Variants in SEL1L3 observed in about 807,000 individuals in gnomAD.
SEL1L3 encodes the protein SEL1L family member 3.
SEL1L3 carries 76 observed loss-of-function variants against 142.8 expected under a neutral mutation model. The ratio of observed to expected loss-of-function variants is 0.53; its 90% CI spans 0.44 to 0.64. SEL1L3 has a LOEUF of 0.64. SEL1L3 is among the 30% of genes least tolerant of loss of function. The pLI is 0.00. For synonymous variants in SEL1L3, 504 were observed against 519.6 expected, an observed-to-expected ratio of 0.97 and a Z score of 0.41; for missense variants, 1,262 against 1,381.7, an observed-to-expected ratio of 0.91 and a Z score of 1.37.
In SEL1L3 at chr4:25,833,098, A is replaced by G; in HGVS notation, c.995T>C (p.Ile332Thr). ...VFLTEEGYLH[I>T]QMHLVKGEDL... is the part of the protein sequence containing the mutation. ...TTCCCCTTTGACAAGATGCATCTGA[A>G]TATGCAAATAGCCTAAAAGGAAAAT... Residue 332 changes from isoleucine to threonine, a missense_variant, in exon 5 of 24, where the codon ATT becomes ACT. This residue lies in a region of SEL1L3 where 689 missense variants were observed against 692.8 expected (regional missense o/e 0.99). Coordinates refer to ENST00000399878, the MANE Select transcript of SEL1L3 (RefSeq NM_015187.5). 6.3e-7 allele frequency: 1 copy of G among 1,592,044 alleles called. No individual in the cohort carries two copies. The highest frequency in any genetic ancestry group is 8.6e-7 in the Non-Finnish European group (1 of 1,160,132).
chr4:25,825,633 C>G (rs1347658323), intron 6 of SEL1L3, among the ~76,000 whole-genome samples: 1 of 149,216 alleles, frequency 6.7e-6, no homozygotes, highest in African/African-American at 2.5e-5. Context: ...CATCATCTTA[C>G]AAGTCACTTC....
intron 2 of SEL1L3, among the ~76,000 whole-genome samples, chr4:25,846,792 C>T (rs1423251105): frequency 1.3e-5 from 2 of 151,476 alleles, no homozygotes; most frequent in Admixed American, 6.6e-5. Context: ...GCCTGTAATC[C>T]CAGCTACTCG....
At chr4:25,823,979 G>A (rs1560333672) in intron 6 of SEL1L3, among the ~76,000 whole-genome samples, 1 of 152,274 alleles carries the variant, frequency 6.6e-6, no homozygotes, top group East Asian at 1.9e-4. Flanking sequence ...AGCAACAGCT[G>A]ACAGCAGCAA....
chr4:25,856,388 T>C (rs368468078), intron 1 of SEL1L3, among the ~76,000 whole-genome samples: 3 of 152,116 alleles, frequency 2.0e-5, no homozygotes, highest in East Asian at 1.9e-4. Flanking sequence ...TTATGTGGTT[T>C]AGGCAGCTAC....
At chr4:25,736,996 CT>C in the SEL1L3 span, among the ~76,000 whole-genome samples, 1 of 144,686 alleles carries the variant, frequency 6.9e-6, no homozygotes, top group African/African-American at 2.6e-5. Context: ...TCTTTTTTTT[CT>C]TTTTTTTGAG....
intron 23 of SEL1L3, among the ~76,000 whole-genome samples, chr4:25,750,213 C>T (rs1198245276): frequency 5.3e-5 from 7 of 131,066 alleles, no homozygotes; most frequent in African/African-American, 1.5e-4. Flanking sequence ...CCAGCCTGGG[C>T]GACAGAGCGA....
rs1036673831 is a variant in SEL1L3, at chr4:25,811,764, TTTG to T, written c.1564+6371_1564+6373del. Among the ~76,000 whole-genome samples, 66 of 147,836 alleles carry T rather than the reference TTTG, an allele frequency of 4.5e-4. 2 individuals carry two copies. The highest frequency in any genetic ancestry group is 3.5e-3 in the Middle Eastern group (1 of 284). The stretch of plus-strand genomic sequence containing the variant: ...TCTTTTCCTGTTTTTTTTTTTTTTT[TTTG>T]TTGTTGTTGTTGTTAGTAGCCATCC... On this transcript the variant is annotated intron_variant, in intron 9 of 23. Transcript: ENST00000399878.
chr4:25,831,747 G>A (rs1253112401), intron 5 of SEL1L3, among the ~76,000 whole-genome samples: 1 of 151,856 alleles, frequency 6.6e-6, no homozygotes, highest in Non-Finnish European at 1.5e-5. Flanking sequence ...CTGGTCTCCT[G>A]ACCTCAGGTG....
chr4:25,732,282 T>C, the SEL1L3 span, among the ~76,000 whole-genome samples: 2 of 152,192 alleles, frequency 1.3e-5, no homozygotes, highest in Non-Finnish European at 2.9e-5. Context: ...AAATAAGAAG[T>C]AATTTTTTAG....
At chr4:25,795,619 C>T (rs1712680912) in intron 11 of SEL1L3, among the ~76,000 whole-genome samples, 1 of 152,154 alleles carries the variant, frequency 6.6e-6, no homozygotes, top group African/African-American at 2.4e-5. Flanking sequence ...CAGAATGATC[C>T]TAGAGTCCAC....
At chr4:25,837,373 C>T (rs1715900827) in intron 2 of SEL1L3, among the ~76,000 whole-genome samples, 1 of 145,002 alleles carries the variant, frequency 6.9e-6, no homozygotes, top group African/African-American at 2.6e-5. Context: ...TTCAATTCTG[C>T]CCAACCTGAC....
the SEL1L3 span, among the ~76,000 whole-genome samples, chr4:25,715,127 TAA>T: frequency 1.3e-5 from 2 of 152,142 alleles, no homozygotes; most frequent in African/African-American, 2.4e-5. Context: ...AAAGTATACA[TAA>T]GTGGTCTTAA....
At chr4:25,771,055 C>A (rs1719146012) in intron 17 of SEL1L3, among the ~76,000 whole-genome samples, 1 of 152,244 alleles carries the variant, frequency 6.6e-6, no homozygotes, top group African/African-American at 2.4e-5. Flanking sequence ...AAACCCTGAC[C>A]ATATTTAGCC....
At chr4:25,839,577 A>G (rs1415478239) in intron 2 of SEL1L3, among the ~76,000 whole-genome samples, 1 of 152,240 alleles carries the variant, frequency 6.6e-6, no homozygotes, top group South Asian at 2.1e-4. Context: ...GTCTGTTTCT[A>G]GAATCCTCTC....
chr4:25,788,569 CGTGTGTGTGTGTGTGTGTGTGTGTGTGT>C lies in SEL1L3; in HGVS notation c.2077-233_2077-206del, dbSNP rs58435041. Among the ~76,000 whole-genome samples the C allele has an allele frequency of 1.4e-5, 2 of 139,954 alleles. No individual in the cohort carries two copies. The highest frequency in any genetic ancestry group is 3.1e-5 in the Non-Finnish European group (2 of 64,318). The allele number at this position is 139,954 out of a possible 152,430, so 91.8% of individuals were successfully genotyped here. On this transcript the variant is annotated intron_variant, in intron 12 of 23. Coordinates refer to ENST00000399878, the MANE Select transcript of SEL1L3 (RefSeq NM_015187.5). This position sits in a 1 kb window ranked among gnomAD's most constrained non-coding sequence, Gnocchi z 5.3. ...CCCTTAATGCAAGCCAGAAATGGTT[CGTGTGTGTGTGTGTGTGTGTGTGTGTGT>C]GTGTGTGTGTGTGTGTGTGTGTGTA...
chr4:25,795,846 A>G (rs1191572007), intron 11 of SEL1L3, among the ~76,000 whole-genome samples: 1 of 152,114 alleles, frequency 6.6e-6, no homozygotes, highest in Non-Finnish European at 1.5e-5. Context: ...ATGACCTTTA[A>G]AAGGAAAGTG....
chr4:25,801,410 A>C (rs1027083699), intron 11 of SEL1L3, among the ~76,000 whole-genome samples: 31 of 152,304 alleles, frequency 2.0e-4, no homozygotes, highest in African/African-American at 6.5e-4. Context: ...CTCAAAAAAA[A>C]CCAACAACTT....
intron 2 of SEL1L3, among the ~76,000 whole-genome samples, chr4:25,841,718 T>C (rs1042834706): frequency 1.3e-5 from 2 of 152,230 alleles, no homozygotes; most frequent in South Asian, 4.1e-4. Flanking sequence ...CCCTGCACTT[T>C]GGGGGCCGAT....
At chr4:25,840,646 A>G (rs1486992461) in intron 2 of SEL1L3, among the ~76,000 whole-genome samples, 1 of 152,224 alleles carries the variant, frequency 6.6e-6, no homozygotes, top group African/African-American at 2.4e-5. Flanking sequence ...ACCTTCCAAG[A>G]GTGTTCCTAA....
Sources: allele counts gnomAD v4.1 joint callset (sites outside exome capture counted in the v4.1 genomes callset), GRCh38; gene constraint gnomAD v4.1.1; regional missense constraint gnomAD v4.1.1; non-coding constraint Gnocchi (gnomAD v3.1); transcripts MANE v1.5; gene names NCBI Gene and HGNC (gene_info 2026-07-23, HGNC 2026-07-21).